The following ALDH4A1 variants were observed in gnomAD, a reference collection of about 807,000 sequenced individuals.
ALDH4A1 encodes delta-1-pyrroline-5-carboxylate dehydrogenase, mitochondrial.
ALDH4A1 carries 46 observed loss-of-function variants against 70.5 expected under a neutral mutation model. That is an observed-to-expected ratio of 0.65 (90% CI 0.51 to 0.83). ALDH4A1 has a LOEUF of 0.83. ALDH4A1 is among the 40% of genes least tolerant of loss of function. The pLI, the probability that ALDH4A1 is intolerant of heterozygous loss-of-function variation, is 0.00. For missense variants in ALDH4A1, 749 were observed against 766.5 expected, an observed-to-expected ratio of 0.98 and a Z score of 0.27; for synonymous variants, 323 against 324.3, an observed-to-expected ratio of 1.00 and a Z score of 0.04.
intron 3 of ALDH4A1, among the ~76,000 whole-genome samples, 183 bp downstream of exon 3, chr1:18,889,179 A>G (rs1489388389): frequency 6.6e-6 from 1 of 152,198 alleles, no homozygotes; most frequent in African/African-American, 2.4e-5. Context: ...GGCTGGATGC[A>G]GTGTGGGTGC....
At chr1:18,875,101 G>A (rs113153383) in intron 13 of ALDH4A1, among the ~76,000 whole-genome samples, 2,232 of 152,344 alleles carry the variant, frequency 0.015, 18 homozygotes, top group Middle Eastern at 0.044. Context: ...ACCAGATCCC[G>A]CAGAGCCAGT....
At chr1:18,873,812 G>A (rs569994616) in intron 14 of ALDH4A1, among the ~76,000 whole-genome samples, 20 of 152,330 alleles carry the variant, frequency 1.3e-4, no homozygotes, top group African/African-American at 4.8e-4. Context: ...TCCGTGAGCT[G>A]TTCTAACAAC....
At chr1:18,887,611 A>G (rs1935268108) in intron 3 of ALDH4A1, among the ~76,000 whole-genome samples, 1 of 151,730 alleles carries the variant, frequency 6.6e-6, no homozygotes, top group Admixed American at 6.6e-5. Flanking sequence ...AAAAAAAAAA[A>G]CCATCCCTAT....
chr1:18,879,781 C>A (rs752774489), intron 8 of ALDH4A1, among the ~76,000 whole-genome samples: 1 of 152,178 alleles, frequency 6.6e-6, no homozygotes, highest in Non-Finnish European at 1.5e-5. Flanking sequence ...GAACAGACCC[C>A]GCTGTGGTCT....
At chr1:18,886,349 G>T in intron 4 of ALDH4A1, 115 bp downstream of exon 4, 2 of 1,251,488 alleles carry the variant, frequency 1.6e-6, no homozygotes, top group Non-Finnish European at 2.3e-6. Flanking sequence ...ACCCACCATG[G>T]CCAAAGAAGG....
At chr1:18,896,675 T>G (rs1935627067) in intron 1 of ALDH4A1, among the ~76,000 whole-genome samples, 1 of 152,038 alleles carries the variant, frequency 6.6e-6, no homozygotes. Context: ...GGTGGATCAC[T>G]TGAGGTCAGG....
At chr1:18,879,132 A>G (rs1934859335) in intron 9 of ALDH4A1, among the ~76,000 whole-genome samples, 168 bp downstream of exon 9, 2 of 152,214 alleles carry the variant, frequency 1.3e-5, no homozygotes, top group Admixed American at 1.3e-4. Context: ...GAGTGAAGGT[A>G]CTGGACGCAT....
chr1:18,887,416 G>C (rs192342546), intron 3 of ALDH4A1, among the ~76,000 whole-genome samples: 9 of 152,352 alleles, frequency 5.9e-5, no homozygotes, highest in East Asian at 1.9e-4. Context: ...TGGCTAACAT[G>C]GTGAAACCCT....
intron 14 of ALDH4A1, 87 bp downstream of exon 14, chr1:18,874,376 C>G: frequency 7.9e-7 from 1 of 1,259,200 alleles, no homozygotes; most frequent in African/African-American, 1.5e-5. Flanking sequence ...TGGTATCCTT[C>G]CTATTACTCT....
At chr1:18,891,522 C>A (rs1293814262) in intron 1 of ALDH4A1, among the ~76,000 whole-genome samples, 2 of 152,100 alleles carry the variant, frequency 1.3e-5, no homozygotes, top group African/African-American at 4.8e-5. Flanking sequence ...GCGTAGGGAA[C>A]CACAGGGCAT....
Position 18,885,632 on chromosome 1 carries a change from A to C in ALDH4A1, c.298-4T>G. 1 of 1,613,834 alleles carries C rather than the reference A, an allele frequency of 6.2e-7. No individual in the cohort carries two copies. The highest frequency in any genetic ancestry group is 1.1e-5 in the South Asian group (1 of 91,046). On this transcript the variant is annotated splice_polypyrimidine_tract_variant and splice_region_variant and intron_variant, in intron 4 of 14. Transcript: ENST00000375341. ...CAATGGCTTTGTTGAGCAGGCTCTAAAGGGAGAGGGAGAGGTTGGGGACTG... is the reference window on the plus strand; with the variant it reads ...CAATGGCTTTGTTGAGCAGGCTCTACAGGGAGAGGGAGAGGTTGGGGACTG...
rs1398986657 is a variant in ALDH4A1, at chr1:18,872,602, G to A, written c.*243C>T. 4.7e-6 allele frequency: 2 copies of A among 426,790 alleles called. No individual in the cohort carries two copies. Among genetic ancestry groups the A allele is most frequent in the Non-Finnish European group, 4.2e-6 (1 of 235,850 alleles). The allele number at this position is 426,790 out of a possible 1,614,324, so 26.4% of individuals were successfully genotyped here. A position where few individuals can be genotyped will look rare whatever the true frequency, so the allele number is the denominator to read the frequency against. On this transcript the variant is annotated 3_prime_UTR_variant, in exon 15 of 15. Coordinates refer to ENST00000375341, the MANE Select transcript of ALDH4A1 (RefSeq NM_003748.4). ...AGAGGGAGAACCTGCCAGGCACCAG[G>A]GTCATACCTCCCACATGGCCGATGG...
intron 12 of ALDH4A1, 69 bp from the exon 13 acceptor site, chr1:18,875,572 C>T (rs1934646800): frequency 1.2e-6 from 2 of 1,611,004 alleles, no homozygotes; most frequent in East Asian, 4.5e-5. Context: ...CCTCCCAGTG[C>T]CCCTGCTCTG....
intron 11 of ALDH4A1, among the ~76,000 whole-genome samples, chr1:18,876,824 T>C (rs1295804563): frequency 1.3e-5 from 2 of 152,146 alleles, no homozygotes; most frequent in Non-Finnish European, 2.9e-5. Context: ...TGTACATGCG[T>C]GTGGGTGGAC....
chr1:18,883,458 C>A, intron 5 of ALDH4A1, 30 bp from the exon 6 acceptor site: 1 of 1,612,314 alleles, frequency 6.2e-7, no homozygotes. Context: ...GGGTCAGGAG[C>A]AGCCAACAGC....
rs370707645 is a variant in ALDH4A1 at position 18,876,381 on chromosome 1, G to A, written c.1272C>T (p.Ser424=). 245 of 1,613,614 alleles carry A rather than the reference G, an allele frequency of 1.5e-4. No individual in the cohort carries two copies. Among genetic ancestry groups the A allele is most frequent in the Admixed American group, 3.8e-4 (23 of 59,988 alleles). ...TILAGGKCDD[S]VGYFVEPCIV... ...TGCAGGGCTCCACAAAGTAGCCCAC[G>A]GAGTCATCACACTTGCCCCCGGCCA... The change falls in exon 12 of 15, where the codon TCC becomes TCT. Residue 424 remains serine (S), a synonymous_variant. Transcript: ENST00000375341.
chr1:18,900,522 C>T (rs980070363), intron 1 of ALDH4A1, among the ~76,000 whole-genome samples: 6 of 152,076 alleles, frequency 3.9e-5, no homozygotes, highest in South Asian at 2.1e-4. Context: ...GGGTTTTTTT[C>T]GTAATTGTCA....
rs1239440212 is a variant in ALDH4A1, at chr1:18,890,081, G to A, written c.87C>T (p.Ser29=). ...GAGLRWKHTS[S]LKVANEPVLA... ...AGACGGGCTCGTTGGCCACCTTCAG[G>A]GAGGAGGTGTGCTTCCACCGCAGGC... Residue 29 remains serine, a synonymous_variant, in exon 2 of 15, where the codon TCC becomes TCT. Transcript: ENST00000375341. The A allele has an allele frequency of 1.1e-5, 18 of 1,612,634 alleles. No homozygotes were observed. The highest frequency in any genetic ancestry group is 1.4e-5 in the Non-Finnish European group (17 of 1,179,714).
At chr1:18,883,612 C>T (rs888409890) in intron 5 of ALDH4A1, among the ~76,000 whole-genome samples, 184 bp from the exon 6 acceptor site, 1 of 152,226 alleles carries the variant, frequency 6.6e-6, no homozygotes, top group African/African-American at 2.4e-5. Context: ...AGCCCCTGAG[C>T]TAGCACCTCC....
Sources: allele counts gnomAD v4.1 joint callset (sites outside exome capture counted in the v4.1 genomes callset), GRCh38; gene constraint gnomAD v4.1.1; transcripts MANE v1.5; gene names NCBI Gene and HGNC (gene_info 2026-07-23, HGNC 2026-07-21).